The following RGS7 variants were observed in gnomAD, a reference collection of about 807,000 sequenced individuals.
RGS7 encodes regulator of G protein signaling 7.
In RGS7, 27 loss-of-function variants were observed where a neutral mutation model predicts 81.1. That is an observed-to-expected ratio of 0.33 (90% CI 0.25 to 0.46). RGS7 has a LOEUF of 0.46. RGS7 is among the 20% of genes least tolerant of loss of function. RGS7 has a pLI of 1.00. For synonymous variants in RGS7, 208 were observed against 207.7 expected (o/e 1.00, Z -0.01); for missense variants, 396 against 607.4 (o/e 0.65, Z 3.66).
At chr1:241,305,026 T>C (rs928396049) in intron 2 of RGS7, among the ~76,000 whole-genome samples, 1 of 152,226 alleles carries the variant, frequency 6.6e-6, no homozygotes, top group Non-Finnish European at 1.5e-5. Context: ...TACTATATTA[T>C]TTCAAGGTTT....
chr1:240,790,501 G>T (rs1172733628), intron 18 of RGS7, among the ~76,000 whole-genome samples: 2 of 152,110 alleles, frequency 1.3e-5, no homozygotes, highest in Non-Finnish European at 2.9e-5. Flanking sequence ...AAGAAAACTT[G>T]AGGGAGGTGA....
intron 2 of RGS7, among the ~76,000 whole-genome samples, chr1:241,152,843 T>G (rs369279189): frequency 6.0e-4 from 91 of 152,360 alleles, no homozygotes; most frequent in African/African-American, 2.0e-3. Context: ...GTCAGCCATG[T>G]AGTATGAGTG....
chr1:241,107,090 C>T (rs981252464), intron 2 of RGS7, among the ~76,000 whole-genome samples: 1 of 152,116 alleles, frequency 6.6e-6, no homozygotes, highest in Non-Finnish European at 1.5e-5. Context: ...TTCTGGAACT[C>T]GAAGACGGGC....
At chr1:241,355,913 C>T in intron 1 of RGS7, 87 bp from the exon 2 acceptor site, 2 of 750,840 alleles carry the variant, frequency 2.7e-6, no homozygotes, top group Non-Finnish European at 4.8e-6. Context: ...CCCCACATGG[C>T]GCGTTCTTAC....
intron 2 of RGS7, among the ~76,000 whole-genome samples, chr1:241,124,962 A>C (rs1484158117): frequency 6.6e-6 from 1 of 152,236 alleles, no homozygotes; most frequent in East Asian, 1.9e-4. Flanking sequence ...TGGAGACTAA[A>C]GCATTTGCTC....
chr1:240,890,441 A>G (rs1184533468), intron 6 of RGS7, among the ~76,000 whole-genome samples: 2 of 152,148 alleles, frequency 1.3e-5, no homozygotes, highest in East Asian at 1.9e-4. Context: ...GTGAGCCACC[A>G]TACCCAGCCT....
chr1:241,047,123 G>A (rs1382633177), intron 3 of RGS7, among the ~76,000 whole-genome samples: 2 of 152,098 alleles, frequency 1.3e-5, no homozygotes, highest in Non-Finnish European at 2.9e-5. Context: ...TTTGGCCAGG[G>A]CAAAAGGAGA....
intron 2 of RGS7, among the ~76,000 whole-genome samples, chr1:241,101,154 G>T (rs183953225): frequency 1.8e-4 from 28 of 152,298 alleles, no homozygotes; most frequent in Middle Eastern, 3.4e-3. Flanking sequence ...ACCCCTACGT[G>T]CCTGTCTTTA....
chr1:241,148,379 A>G (rs774104728), intron 2 of RGS7, among the ~76,000 whole-genome samples: 9 of 152,078 alleles, frequency 5.9e-5, no homozygotes, highest in Non-Finnish European at 1.3e-4. Flanking sequence ...TCATTTCTAT[A>G]TAGCCAGACA....
At chr1:241,232,120 A>G (rs1255719085) in intron 2 of RGS7, among the ~76,000 whole-genome samples, 8 of 152,196 alleles carry the variant, frequency 5.3e-5, no homozygotes, top group African/African-American at 1.9e-4. Context: ...CCTATGTTGA[A>G]AACCAACTGA....
At chr1:240,812,855 C>G (rs16840746) in intron 13 of RGS7, among the ~76,000 whole-genome samples, 71,380 of 152,018 alleles carry the variant, frequency 0.47, 18,429 homozygotes, top group Non-Finnish European at 0.58. Context: ...AAATCTGTGA[C>G]CTAATCCCAA....
chr1:240,787,082 C>T (rs544714753), intron 18 of RGS7, among the ~76,000 whole-genome samples: 21 of 152,010 alleles, frequency 1.4e-4, no homozygotes, highest in African/African-American at 5.1e-4. Context: ...TTTTCTTAAC[C>T]CCTTTCTGAT....
chr1:240,834,866 A>T (rs910184081), intron 9 of RGS7, among the ~76,000 whole-genome samples: 2 of 151,864 alleles, frequency 1.3e-5, no homozygotes, highest in Non-Finnish European at 2.9e-5. Flanking sequence ...TTTAAACAGG[A>T]GAGTGACTTC....
intron 2 of RGS7, among the ~76,000 whole-genome samples, chr1:241,145,797 G>A (rs78978390): frequency 0.011 from 1,661 of 152,220 alleles, 38 homozygotes; most frequent in East Asian, 0.06. Flanking sequence ...TAAATATTCT[G>A]TGATGCCATG....
intron 18 of RGS7, among the ~76,000 whole-genome samples, chr1:240,780,863 G>A (rs1390662467): frequency 6.8e-6 from 1 of 146,018 alleles, no homozygotes; most frequent in African/African-American, 2.6e-5. Context: ...GCAGTGAGTC[G>A]AGATCGCACC....
chr1:241,160,110 C>CAAAAAAAAAAAAAA (rs369734662), intron 2 of RGS7, among the ~76,000 whole-genome samples: 3 of 56,152 alleles, frequency 5.3e-5, no homozygotes, highest in Non-Finnish European at 7.0e-5. Context: ...GACTCCATCT[C>CAAAAAAAAAAAAAA]AAAAAAAAAA....
At chr1:241,129,939 A>G (rs1326699942) in intron 2 of RGS7, among the ~76,000 whole-genome samples, 1 of 152,148 alleles carries the variant, frequency 6.6e-6, no homozygotes, top group Non-Finnish European at 1.5e-5. Flanking sequence ...AAGAATTCCT[A>G]TTACTTCAAA....
chr1:241,136,112 C>T (rs746031174), intron 2 of RGS7, among the ~76,000 whole-genome samples: 1 of 152,188 alleles, frequency 6.6e-6, no homozygotes, highest in African/African-American at 2.4e-5. Context: ...GATCTATCGT[C>T]CACCACATCC....
chr1:241,301,337 C>G (rs1032193993), intron 2 of RGS7, among the ~76,000 whole-genome samples: 3 of 152,234 alleles, frequency 2.0e-5, no homozygotes, highest in Non-Finnish European at 2.9e-5. Context: ...TATGTAAAAG[C>G]ATCAAACGAG....
Sources: allele counts gnomAD v4.1 joint callset (sites outside exome capture counted in the v4.1 genomes callset), GRCh38; gene constraint gnomAD v4.1.1; transcripts MANE v1.5; gene names NCBI Gene and HGNC (gene_info 2026-07-23, HGNC 2026-07-21).